The following TMEM132D variants were observed in gnomAD, a reference collection of about 807,000 sequenced individuals.
TMEM132D encodes the protein mature OL transmembrane protein.
In TMEM132D, 21 loss-of-function variants were observed where a neutral mutation model predicts 62.3. The observed-to-expected ratio is 0.34, with a 90% CI of 0.24 to 0.49. The LOEUF (loss-of-function observed/expected upper bound fraction) is 0.49, where lower values mean the gene tolerates loss of function less well. Among genes scored for constraint, TMEM132D ranks in the 20% least tolerant of loss-of-function variants. The pLI is 0.99. For synonymous variants in TMEM132D, 621 were observed against 575.6 expected (o/e 1.08, Z -1.13); for missense variants, 1,346 against 1,402.8 (o/e 0.96, Z 0.65).
intron 2 of TMEM132D, among the ~76,000 whole-genome samples, chr12:129,668,941 C>G (rs968441261): frequency 7.2e-5 from 11 of 152,158 alleles, no homozygotes; most frequent in African/African-American, 2.7e-4. Context: ...AGGTTCCTGA[C>G]CTGTGATAAG....
chr12:129,397,814 G>T (rs1871474266), intron 3 of TMEM132D, among the ~76,000 whole-genome samples: 1 of 152,134 alleles, frequency 6.6e-6, no homozygotes, highest in African/African-American at 2.4e-5. Flanking sequence ...ACCTGCACTG[G>T]CTGCACTGAA....
chr12:129,447,574 C>A (rs149418422), intron 3 of TMEM132D, among the ~76,000 whole-genome samples: 102 of 152,190 alleles, frequency 6.7e-4, no homozygotes, highest in African/African-American at 2.4e-3. Context: ...TGGAACAAAG[C>A]CTTTCTCCTT....
chr12:129,693,698 T>G (rs1262855880), intron 2 of TMEM132D, among the ~76,000 whole-genome samples: 1 of 152,180 alleles, frequency 6.6e-6, no homozygotes, highest in Non-Finnish European at 1.5e-5. Flanking sequence ...AGCAGAGCAC[T>G]CTTCAGTAGG....
intron 2 of TMEM132D, among the ~76,000 whole-genome samples, chr12:129,696,911 G>T (rs921461680): frequency 1.3e-5 from 2 of 152,202 alleles, no homozygotes; most frequent in African/African-American, 4.8e-5. Context: ...GAAGATAGAA[G>T]CAGCAGGGTA....
At chr12:129,300,348 TA>T in intron 4 of TMEM132D, among the ~76,000 whole-genome samples, 1 of 152,188 alleles carries the variant, frequency 6.6e-6, no homozygotes, top group Non-Finnish European at 1.5e-5. Context: ...TCTATTGAGA[TA>T]AAAAGACATT....
chr12:129,828,780 A>AGGG (rs1329243869), intron 1 of TMEM132D, among the ~76,000 whole-genome samples: 1 of 31,458 alleles, frequency 3.2e-5, no homozygotes, highest in Non-Finnish European at 6.9e-5. Flanking sequence ...GGGAGGAAGA[A>AGGG]AAGGAGGGAG....
intron 2 of TMEM132D, among the ~76,000 whole-genome samples, chr12:129,574,539 A>C (rs1231325955): frequency 2.0e-5 from 3 of 151,936 alleles, no homozygotes; most frequent in Non-Finnish European, 4.4e-5. Context: ...GCAGAGCAAA[A>C]TGCATTTCAC....
intron 4 of TMEM132D, among the ~76,000 whole-genome samples, chr12:129,249,435 T>C (rs1880208336): frequency 6.6e-6 from 1 of 152,138 alleles, no homozygotes; most frequent in Non-Finnish European, 1.5e-5. Context: ...GGTCTTGCCC[T>C]CCTAAAGGAT....
At chr12:129,750,274 C>G (rs1007411514) in intron 1 of TMEM132D, among the ~76,000 whole-genome samples, 13 of 152,178 alleles carry the variant, frequency 8.5e-5, no homozygotes, top group Admixed American at 8.5e-4. Flanking sequence ...TTAGTAGAGA[C>G]TGGGTTTCAC....
intron 2 of TMEM132D, among the ~76,000 whole-genome samples, chr12:129,594,590 T>G (rs1425400450): frequency 6.6e-6 from 1 of 152,218 alleles, no homozygotes; most frequent in African/African-American, 2.4e-5. Context: ...AGAGAACACA[T>G]GCATAGTCCA....
At chr12:129,135,898 A>G (rs746450851) in intron 5 of TMEM132D, among the ~76,000 whole-genome samples, 4 of 152,168 alleles carry the variant, frequency 2.6e-5, no homozygotes, top group Non-Finnish European at 4.4e-5. Flanking sequence ...CTCTTTTATA[A>G]AGACACTAGC....
At chr12:129,242,993 T>C (rs764130942) in intron 4 of TMEM132D, among the ~76,000 whole-genome samples, 5 of 130,132 alleles carry the variant, frequency 3.8e-5, no homozygotes, top group Admixed American at 7.7e-5. Flanking sequence ...ACATCTTGTC[T>C]GTTTATGTCA....
chr12:129,178,725 T>C (rs2135549902), intron 5 of TMEM132D, among the ~76,000 whole-genome samples: 1 of 152,288 alleles, frequency 6.6e-6, no homozygotes, highest in East Asian at 1.9e-4. Context: ...TAATATGATG[T>C]GGTCAATTGC....
rs576282513 is a variant in TMEM132D at position 129,219,266 on chromosome 12, T to C, written c.1300-9603A>G. On this transcript the variant is annotated intron_variant, in intron 4 of 8. Coordinates refer to ENST00000422113, the MANE Select transcript of TMEM132D (RefSeq NM_133448.3). ...AGTGAATAAGTCTCATGAGATCTGA[T>C]GGTTTTATAAATGGGAATTCCCCTG... is the stretch of plus-strand genomic sequence containing the variant. 3.9e-5 allele frequency among the ~76,000 whole-genome samples: 6 copies of C among 152,276 alleles called. No homozygotes were observed. In the South Asian group the frequency reaches 1.0e-3, roughly 26 times the overall value.
chr12:129,422,495 A>C (rs1468345721), intron 3 of TMEM132D, among the ~76,000 whole-genome samples: 1 of 152,256 alleles, frequency 6.6e-6, no homozygotes, highest in African/African-American at 2.4e-5. Context: ...TAAAACCACA[A>C]AGATAACAGT....
intron 4 of TMEM132D, among the ~76,000 whole-genome samples, chr12:129,233,060 A>T (rs1204277118): frequency 2.6e-5 from 4 of 152,138 alleles, no homozygotes; most frequent in Non-Finnish European, 5.9e-5. Context: ...CTCCACCACA[A>T]TGCCTCCTTT....
intron 3 of TMEM132D, among the ~76,000 whole-genome samples, chr12:129,491,699 T>A (rs986216053): frequency 2.6e-5 from 4 of 152,218 alleles, no homozygotes; most frequent in African/African-American, 9.6e-5. Flanking sequence ...CCCAGCACTT[T>A]GGGAGGCCGA....
chr12:129,162,794 C>T (rs566902629), intron 5 of TMEM132D, among the ~76,000 whole-genome samples: 156 of 152,324 alleles, frequency 1.0e-3, no homozygotes, highest in African/African-American at 3.2e-3. Context: ...GCTTCCTGTA[C>T]GGCTTGCATA....
At chr12:129,197,019 T>C (rs1878567843) in intron 5 of TMEM132D, among the ~76,000 whole-genome samples, 1 of 152,068 alleles carries the variant, frequency 6.6e-6, no homozygotes, top group Non-Finnish European at 1.5e-5. Flanking sequence ...TGAGCAGAGA[T>C]TGGCACTTTC....
Sources: gnomAD v4.1 joint callset for allele counts (sites outside exome capture counted in the v4.1 genomes callset) on GRCh38, gnomAD v4.1.1 for gene constraint, MANE v1.5 for transcripts, NCBI Gene and HGNC (gene_info 2026-07-23, HGNC 2026-07-21) for gene names.